The following SMURF2 variants were observed in gnomAD, a reference collection of about 807,000 sequenced individuals.
The protein encoded by SMURF2 is SMAD specific E3 ubiquitin protein ligase 2, also known as E3 ubiquitin-protein ligase SMURF2.
SMURF2 carries 48 observed loss-of-function variants against 109.6 expected under a neutral mutation model. The observed-to-expected ratio is 0.44, with a 90% CI of 0.35 to 0.56. The LOEUF (loss-of-function observed/expected upper bound fraction) is 0.56. SMURF2 is among the 20% of genes least tolerant of loss of function. The probability of loss-of-function intolerance (pLI) is 0.01; values close to 1 mark genes in which losing one functional copy is unlikely to be tolerated. For synonymous variants in SMURF2, 288 were observed against 317.1 expected (o/e 0.91, Z 0.97); for missense variants, 575 against 909.0 (o/e 0.63, Z 4.72).
chr17:64,621,988 A>AATAATAATAATAAT (rs57035569), intron 1 of SMURF2, among the ~76,000 whole-genome samples: 67 of 128,254 alleles, frequency 5.2e-4, no homozygotes, highest in African/African-American at 1.8e-3. Context: ...ATAATAATAA[A>AATAATAATAATAAT]AAAAAGCACT....
intron 1 of SMURF2, among the ~76,000 whole-genome samples, chr17:64,647,327 A>G (rs1293180029): frequency 1.3e-5 from 2 of 152,176 alleles, no homozygotes; most frequent in Non-Finnish European, 2.9e-5. Flanking sequence ...AAACTAAAAT[A>G]TATGAAGCTT....
intron 16 of SMURF2, among the ~76,000 whole-genome samples, chr17:64,550,322 A>T (rs897451644): frequency 6.6e-6 from 1 of 152,250 alleles, no homozygotes; most frequent in Non-Finnish European, 1.5e-5. Flanking sequence ...ACTACTAAAT[A>T]AATTTGGGAC....
chr17:64,552,345 TTATC>T (rs1484398434), intron 15 of SMURF2, among the ~76,000 whole-genome samples: 3 of 152,136 alleles, frequency 2.0e-5, no homozygotes, highest in Non-Finnish European at 4.4e-5. Flanking sequence ...TTGTTTTTAT[TTATC>T]TACCCAAGAA....
intron 1 of SMURF2, among the ~76,000 whole-genome samples, chr17:64,618,925 C>T (rs560945642): frequency 4.3e-4 from 65 of 152,006 alleles, no homozygotes; most frequent in Non-Finnish European, 7.9e-4. Context: ...TGGGTTTGAA[C>T]CTGGTGCTAT....
intron 12 of SMURF2, chr17:64,561,063 TTC>T (rs1432709623): frequency 2.0e-5 from 3 of 153,178 alleles, no homozygotes; most frequent in Non-Finnish European, 2.9e-5. Context: ...TACTGAAACA[TTC>T]TGAGGACCAT....
intron 11 of SMURF2, among the ~76,000 whole-genome samples, chr17:64,562,570 G>A (rs1555684623): frequency 6.6e-6 from 1 of 151,592 alleles, no homozygotes; most frequent in African/African-American, 2.4e-5. Flanking sequence ...GTAGAGATGG[G>A]GTTTCTCCAT....
intron 12 of SMURF2, among the ~76,000 whole-genome samples, chr17:64,558,883 T>C (rs2144599349): frequency 6.6e-6 from 1 of 152,348 alleles, no homozygotes; most frequent in South Asian, 2.1e-4. Context: ...ATTTAAATGA[T>C]ATATTTTGAT....
In SMURF2 at chr17:64,661,977, A is replaced by G. The variant is rs1410074405; in HGVS notation, c.-97T>C. 1 of 1,113,940 alleles carries G rather than the reference A, an allele frequency of 9.0e-7. No individual in the cohort carries two copies. Among genetic ancestry groups the G allele is most frequent in the Non-Finnish European group, 1.1e-6 (1 of 913,364 alleles). The allele number at this position is 1,113,940 out of a possible 1,614,324, so 69.0% of individuals were successfully genotyped here. ...CAGCGGCCGGGGCTGGGGCCCGAGC[A>G]GCCGGCGCCTCGGCCGCCACGGCCG... is the stretch of plus-strand genomic sequence containing the variant. On this transcript the variant is annotated 5_prime_UTR_variant, in exon 1 of 19. Coordinates refer to ENST00000262435, the MANE Select transcript of SMURF2 (RefSeq NM_022739.4).
At chr17:64,613,999 C>T (rs1568195718) in intron 1 of SMURF2, among the ~76,000 whole-genome samples, 1 of 151,874 alleles carries the variant, frequency 6.6e-6, no homozygotes, top group African/African-American at 2.4e-5. Flanking sequence ...CTAGATCCCT[C>T]GCATGCGCAG....
intron 1 of SMURF2, among the ~76,000 whole-genome samples, chr17:64,621,811 C>T (rs550287605): frequency 5.3e-5 from 8 of 150,540 alleles, no homozygotes; most frequent in Admixed American, 2.0e-4. Context: ...ACCCGGGAGG[C>T]GGAGGTAGCA....
chr17:64,639,177 TATGA>T (rs2144719633), intron 1 of SMURF2, among the ~76,000 whole-genome samples: 1 of 152,350 alleles, frequency 6.6e-6, no homozygotes, highest in South Asian at 2.1e-4. Flanking sequence ...TTATAATATT[TATGA>T]ATTTTCTCAT....
chr17:64,606,620 C>T lies in SMURF2; in HGVS notation c.73G>A (p.Val25Met). 1.3e-6 allele frequency: 2 copies of T among 1,544,752 alleles called. No individual in the cohort carries two copies. Among genetic ancestry groups the T allele is most frequent in the Admixed American group, 2.0e-5 (1 of 50,124 alleles). The change falls in exon 2 of 19, where the codon GTG becomes ATG. Residue 25 changes from valine (V) to methionine (M), a missense_variant. Around this residue, in one of 5 missense-constraint regions of SMURF2, gnomAD observed 30 missense variants for 34.5 expected, o/e 0.87. Coordinates refer to ENST00000262435, the MANE Select transcript of SMURF2 (RefSeq NM_022739.4). ...RLTVLCAKNLVKKDFFRLPDP... is the reference protein window; with the variant it reads ...RLTVLCAKNLMKKDFFRLPDP... ...TACTTACGGAAAAAATCCTTTTTCA[C>T]CAGGTTTTTTGCACAGAGTACTGTA...
intron 12 of SMURF2, among the ~76,000 whole-genome samples, chr17:64,558,075 A>G (rs1969151210): frequency 6.6e-6 from 1 of 152,136 alleles, no homozygotes. Context: ...ATAAACATAA[A>G]ACAAAAGGAA....
At chr17:64,557,586 AC>A in intron 13 of SMURF2, 21 bp downstream of exon 13, 6 of 1,370,790 alleles carry the variant, frequency 4.4e-6, no homozygotes, top group Non-Finnish European at 6.2e-6. Context: ...GTCACAATTC[AC>A]ATCATAACTT....
chr17:64,642,599 T>C (rs115664499), intron 1 of SMURF2, among the ~76,000 whole-genome samples: 2 of 152,186 alleles, frequency 1.3e-5, no homozygotes, highest in Non-Finnish European at 2.9e-5. Context: ...ACATTACCAC[T>C]AAGAAGGACA....
intron 16 of SMURF2, among the ~76,000 whole-genome samples, chr17:64,550,630 A>G (rs1392115408): frequency 6.6e-6 from 1 of 152,060 alleles, no homozygotes; most frequent in African/African-American, 2.4e-5. Flanking sequence ...AAATACAAAA[A>G]TTAGCTGGAC....
At chr17:64,632,564 A>G (rs1555691741) in intron 1 of SMURF2, among the ~76,000 whole-genome samples, 2 of 152,238 alleles carry the variant, frequency 1.3e-5, no homozygotes, top group African/African-American at 4.8e-5. Flanking sequence ...TTCAAAACAC[A>G]TAGTCAGCCT....
At chr17:64,565,287 TCTTCAGGTGTG>T (rs1219541746) in intron 10 of SMURF2, among the ~76,000 whole-genome samples, 1 of 152,168 alleles carries the variant, frequency 6.6e-6, no homozygotes, top group Non-Finnish European at 1.5e-5. Context: ...GCAGCCTGTC[TCTTCAGGTGTG>T]CTAGGGTGCA....
chr17:64,589,097 CTCTT>C (rs1969713026), intron 5 of SMURF2, among the ~76,000 whole-genome samples: 2 of 152,184 alleles, frequency 1.3e-5, no homozygotes, highest in East Asian at 1.9e-4. Flanking sequence ...GCCTGCCTCT[CTCTT>C]TATTAATGGT....
Sources: gnomAD v4.1 joint callset for allele counts (sites outside exome capture counted in the v4.1 genomes callset) on GRCh38, gnomAD v4.1.1 for gene constraint, gnomAD v4.1.1 regional missense constraint, MANE v1.5 for transcripts, NCBI Gene and HGNC (gene_info 2026-07-23, HGNC 2026-07-21) for gene names.